Variants in SLC8A1 observed in about 807,000 individuals in gnomAD.
SLC8A1 encodes the protein sodium/calcium exchanger 1.
A neutral mutation model predicts 68.3 loss-of-function variants in SLC8A1; 18 were observed. That is an observed-to-expected ratio of 0.26 (90% CI 0.18 to 0.39). SLC8A1 has a LOEUF of 0.39. SLC8A1 is among the 10% of genes least tolerant of loss of function. SLC8A1 has a pLI of 1.00. For synonymous variants in SLC8A1, 475 were observed against 415.5 expected (o/e 1.14, Z -1.74); for missense variants, 985 against 1,156.7 (o/e 0.85, Z 2.15).
At chr2:40,464,811 G>A (rs1471250340) in intron 1 of SLC8A1, among the ~76,000 whole-genome samples, 1 of 152,188 alleles carries the variant, frequency 6.6e-6, no homozygotes, top group Admixed American at 6.5e-5. Flanking sequence ...TCACATGTAA[G>A]TTCCCCCAGT....
At chr2:40,323,367 A>G (rs1458591874) in intron 2 of SLC8A1, among the ~76,000 whole-genome samples, 1 of 152,192 alleles carries the variant, frequency 6.6e-6, no homozygotes, top group African/African-American at 2.4e-5. Flanking sequence ...AGGTCTTGCA[A>G]ATAGAATTGT....
chr2:40,308,740 G>A (rs1433877018), intron 2 of SLC8A1, among the ~76,000 whole-genome samples: 5 of 152,160 alleles, frequency 3.3e-5, no homozygotes, highest in Non-Finnish European at 5.9e-5. Context: ...GGGAAAGGGA[G>A]TCAGGTAGAC....
intron 1 of SLC8A1, among the ~76,000 whole-genome samples, chr2:40,479,579 A>G (rs1166148076): frequency 1.3e-5 from 2 of 152,166 alleles, no homozygotes; most frequent in South Asian, 2.1e-4. Flanking sequence ...GAGGAAACAC[A>G]GAAGTTTCTT....
intron 2 of SLC8A1, among the ~76,000 whole-genome samples, chr2:40,230,809 T>C (rs2059555598): frequency 6.6e-6 from 1 of 152,186 alleles, no homozygotes; most frequent in Admixed American, 6.5e-5. Context: ...TTCTGTTCAC[T>C]CTACATTTAA....
chr2:40,483,370 A>G (rs1704764146), intron 1 of SLC8A1, among the ~76,000 whole-genome samples: 1 of 152,136 alleles, frequency 6.6e-6, no homozygotes. Flanking sequence ...CTTATAATCT[A>G]ATACACCAAG....
intron 2 of SLC8A1, among the ~76,000 whole-genome samples, chr2:40,261,397 C>G (rs1168054972): frequency 1.3e-5 from 2 of 152,148 alleles, no homozygotes; most frequent in African/African-American, 4.8e-5. Context: ...AGCAGGGGCA[C>G]CAATCTAACA....
intron 2 of SLC8A1, among the ~76,000 whole-genome samples, chr2:40,331,601 AT>A (rs915752687): frequency 4.0e-5 from 6 of 148,954 alleles, no homozygotes; most frequent in South Asian, 2.1e-4. Context: ...TTTTATGTTT[AT>A]TTTTTTTTTG....
chr2:40,295,480 A>G (rs1357959218), intron 2 of SLC8A1, among the ~76,000 whole-genome samples: 1 of 152,192 alleles, frequency 6.6e-6, no homozygotes, highest in Non-Finnish European at 1.5e-5. Flanking sequence ...TTCTAAAATA[A>G]TTTGTGCATT....
chr2:40,188,434 T>C (rs2051112450), intron 2 of SLC8A1, among the ~76,000 whole-genome samples: 1 of 152,216 alleles, frequency 6.6e-6, no homozygotes, highest in Non-Finnish European at 1.5e-5. Flanking sequence ...ATTACGAGAA[T>C]TTAGAATGAC....
chr2:40,394,436 T>C (rs2149614794), intron 2 of SLC8A1, among the ~76,000 whole-genome samples: 1 of 152,096 alleles, frequency 6.6e-6, no homozygotes, highest in South Asian at 2.1e-4. Flanking sequence ...TTGTGGTTTT[T>C]CTGTTAGTGT....
chr2:40,477,861 G>T (rs1276163418), intron 1 of SLC8A1, among the ~76,000 whole-genome samples: 1 of 152,112 alleles, frequency 6.6e-6, no homozygotes, highest in African/African-American at 2.4e-5. Flanking sequence ...GCTTGATGTG[G>T]CTTACTTTCC....
chr2:40,463,839 T>TACACACACATACACACAC (rs1410338454), intron 1 of SLC8A1, among the ~76,000 whole-genome samples: 3 of 123,320 alleles, frequency 2.4e-5, no homozygotes, highest in African/African-American at 9.3e-5. Flanking sequence ...CACACACACA[T>TACACACACATACACACAC]ACACACACAC....
chr2:40,226,531 T>C (rs2059000912), intron 2 of SLC8A1, among the ~76,000 whole-genome samples: 1 of 152,152 alleles, frequency 6.6e-6, no homozygotes, highest in Admixed American at 6.5e-5. Context: ...CTCTAAATCC[T>C]TGCTCTACAA....
chr2:40,199,898 A>G (rs562319491), intron 2 of SLC8A1, among the ~76,000 whole-genome samples: 1 of 151,452 alleles, frequency 6.6e-6, no homozygotes, highest in African/African-American at 2.4e-5. Flanking sequence ...TCTTCCCCCA[A>G]TTCATTCATC....
chr2:40,164,830 G>A, intron 5 of SLC8A1, 24 bp downstream of exon 8: 1 of 1,612,622 alleles, frequency 6.2e-7, no homozygotes, highest in East Asian at 2.2e-5. Flanking sequence ...ACTGGCTCCT[G>A]GTGGGCAGTG....
chr2:40,487,324 G>T (rs1012773427), intron 1 of SLC8A1, among the ~76,000 whole-genome samples: 2 of 151,902 alleles, frequency 1.3e-5, no homozygotes, highest in Admixed American at 6.6e-5. Flanking sequence ...TAACACTTTT[G>T]GTATCTAATG....
intron 1 of SLC8A1, among the ~76,000 whole-genome samples, chr2:40,443,718 C>T (rs1158531013): frequency 6.6e-6 from 1 of 152,196 alleles, no homozygotes. Context: ...CTCAGCTCTA[C>T]TGACCAGTCA....
intron 6 of SLC8A1, among the ~76,000 whole-genome samples, chr2:40,142,298 T>A (rs1271674744): frequency 6.6e-6 from 1 of 152,140 alleles, no homozygotes; most frequent in Non-Finnish European, 1.5e-5. Context: ...AAGAAGAAAG[T>A]CACATTAATA....
exon 8 of SLC8A1, chr2:40,114,041 C>G (rs181676758): frequency 6.5e-6 from 1 of 152,872 alleles, no homozygotes; most frequent in Admixed American, 6.5e-5. Flanking sequence ...AGTAACAACT[C>G]AGGTGAAAAG....
Sources: gnomAD v4.1 joint callset for allele counts (sites outside exome capture counted in the v4.1 genomes callset) on GRCh38, gnomAD v4.1.1 for gene constraint, MANE v1.5 for transcripts, NCBI Gene and HGNC (gene_info 2026-07-23, HGNC 2026-07-21) for gene names.